Variants in ENTREP1 observed in about 807,000 individuals in gnomAD.
The protein encoded by ENTREP1 is Friedreich ataxia region gene X123.
At chr9:69,348,761 A>G in the ENTREP1 span, among the ~76,000 whole-genome samples, 133,955 of 152,298 alleles carry the variant, frequency 0.88, 59,232 homozygotes, top group African/African-American at 0.97. Flanking sequence ...TATTTTTAAG[A>G]TTCACCCATG....
chr9:69,330,331 T>A, the ENTREP1 span, among the ~76,000 whole-genome samples: 1 of 152,194 alleles, frequency 6.6e-6, no homozygotes, highest in Non-Finnish European at 1.5e-5. Context: ...TTGGGAGATA[T>A]TTCAGATGAG....
the ENTREP1 span, among the ~76,000 whole-genome samples, chr9:69,362,244 A>AC: frequency 6.6e-6 from 1 of 152,142 alleles, no homozygotes; most frequent in Non-Finnish European, 1.5e-5. Flanking sequence ...CTTGTATCAA[A>AC]CAATACCAAG....
chr9:69,340,398 G>C, the ENTREP1 span, among the ~76,000 whole-genome samples: 1 of 152,202 alleles, frequency 6.6e-6, no homozygotes, highest in East Asian at 1.9e-4. Flanking sequence ...AACAAAAAAG[G>C]GTCACTGTGA....
the ENTREP1 span, chr9:69,391,944 C>A: frequency 1.2e-5 from 10 of 806,362 alleles, no homozygotes; most frequent in African/African-American, 1.0e-4. Context: ...CCCGTGTCTG[C>A]TGACTGAGGG....
chr9:69,340,457 C>G, the ENTREP1 span, among the ~76,000 whole-genome samples: 1 of 152,154 alleles, frequency 6.6e-6, no homozygotes, highest in African/African-American at 2.4e-5. Context: ...GGTTGGAAAG[C>G]CTTCATTTAC....
At chr9:69,365,271 C>T in the ENTREP1 span, among the ~76,000 whole-genome samples, 2,305 of 152,218 alleles carry the variant, frequency 0.015, 54 homozygotes, top group African/African-American at 0.052. Flanking sequence ...CACAAATAGG[C>T]AATCACTCTT....
At chr9:69,372,819 C>T in the ENTREP1 span, among the ~76,000 whole-genome samples, 1 of 151,642 alleles carries the variant, frequency 6.6e-6, no homozygotes, top group African/African-American at 2.4e-5. Flanking sequence ...CCAATTTCTG[C>T]ACATCTTCAC....
chr9:69,330,750 A>G, the ENTREP1 span, among the ~76,000 whole-genome samples: 11 of 152,136 alleles, frequency 7.2e-5, no homozygotes, highest in Non-Finnish European at 1.5e-4. Flanking sequence ...CAGCAGAGTC[A>G]CCTTTATAAG....
At chr9:69,340,641 ATGTGTGTGTGCATGTGTGTGTGTGCG>A in the ENTREP1 span, among the ~76,000 whole-genome samples, 1 of 44,266 alleles carries the variant, frequency 2.3e-5, no homozygotes, top group Non-Finnish European at 4.9e-5. Flanking sequence ...GTGTGCGTGC[ATGTGTGTGTGCATGTGTGTGTGTGCG>A]TGTGTGTGTG....
the ENTREP1 span, chr9:69,325,054 C>A: frequency 2.0e-6 from 2 of 985,216 alleles, no homozygotes; most frequent in Non-Finnish European, 2.4e-6. Context: ...ACGGAGTGCG[C>A]GTGGGTGAGA....
chr9:69,371,481 A>T, the ENTREP1 span: 2 of 1,533,406 alleles, frequency 1.3e-6, no homozygotes, highest in Admixed American at 1.7e-5. Context: ...CTAACTGTCC[A>T]TTCTCTTGCC....
the ENTREP1 span, among the ~76,000 whole-genome samples, chr9:69,354,149 A>G: frequency 3.3e-5 from 5 of 151,402 alleles, no homozygotes; most frequent in Non-Finnish European, 7.4e-5. Context: ...TATTTTTTTT[A>G]TAATTGGTTT....
At chr9:69,341,699 C>T in the ENTREP1 span, among the ~76,000 whole-genome samples, 1 of 152,064 alleles carries the variant, frequency 6.6e-6, no homozygotes, top group Admixed American at 6.5e-5. Flanking sequence ...ATATGGAGAG[C>T]TGGAGTGGTC....
chr9:69,391,560 A>G, the ENTREP1 span: 8 of 1,575,014 alleles, frequency 5.1e-6, no homozygotes, highest in Non-Finnish European at 6.1e-6. Flanking sequence ...ACATCTGGTA[A>G]AGCTTACTTA....
At chr9:69,367,696 T>C in the ENTREP1 span, among the ~76,000 whole-genome samples, 409 of 108,112 alleles carry the variant, frequency 3.8e-3, 10 homozygotes, top group Non-Finnish European at 5.3e-3. Context: ...TATATACACA[T>C]ATATATAAAT....
At chr9:69,326,830 T>A in the ENTREP1 span, among the ~76,000 whole-genome samples, 1 of 143,152 alleles carries the variant, frequency 7.0e-6, no homozygotes, top group Non-Finnish European at 1.5e-5. Flanking sequence ...TCCCAAAGTG[T>A]GGGGATTAGA....
the ENTREP1 span, chr9:69,325,146 A>C: frequency 6.8e-6 from 7 of 1,033,030 alleles, no homozygotes; most frequent in Non-Finnish European, 8.1e-6. Context: ...GGGCAGCGGC[A>C]GCGGCGGCAG....
the ENTREP1 span, among the ~76,000 whole-genome samples, chr9:69,360,018 A>C: frequency 6.1e-3 from 896 of 146,818 alleles, 11 homozygotes; most frequent in African/African-American, 0.019. Flanking sequence ...TTGAGGTATC[A>C]CTCATTTTTT....
the ENTREP1 span, chr9:69,336,260 G>A: frequency 6.3e-6 from 10 of 1,585,880 alleles, no homozygotes; most frequent in Non-Finnish European, 8.6e-6. Flanking sequence ...AAAGGCCTAT[G>A]ATACTCCTGG....
Sources: gnomAD v4.1 joint callset for allele counts (sites outside exome capture counted in the v4.1 genomes callset) on GRCh38, gnomAD v4.1.1 for gene constraint, MANE v1.5 for transcripts, NCBI Gene and HGNC (gene_info 2026-07-23, HGNC 2026-07-21) for gene names.